The following THAP7 variants were observed in gnomAD, a reference collection of about 807,000 sequenced individuals.
THAP7 encodes THAP domain-containing protein 7.
Under a neutral mutation model 29.2 loss-of-function variants are expected in THAP7, and 22 were observed. The ratio of observed to expected loss-of-function variants is 0.75; its 90% confidence interval spans 0.54 to 1.08. The LOEUF (loss-of-function observed/expected upper bound fraction) is 1.08, where lower values mean the gene tolerates loss of function less well. Ranked by LOEUF, THAP7 falls within the 50% of genes least tolerant of loss-of-function variation. The probability of loss-of-function intolerance (pLI) is 0.00; values close to 1 mark genes in which losing one functional copy is unlikely to be tolerated. For missense variants in THAP7, 448 were observed against 416.2 expected, an observed-to-expected ratio of 1.08 and a Z score of -0.66; for synonymous variants, 208 against 173.4, an observed-to-expected ratio of 1.20 and a Z score of -1.57.
At chr22:21,000,905 G>A (rs1275788820) in intron 2 of THAP7, 118 bp from the exon 3 acceptor site, 12 of 1,486,564 alleles carry the variant, frequency 8.1e-6, no homozygotes, top group African/African-American at 4.1e-5. Context: ...ATACGTCTGG[G>A]GAACGCCAAG....
At position 21,001,749 on chromosome 22, in the gene THAP7, C is replaced by G. The variant is rs1359893758; in HGVS notation, c.80+83G>C. On this transcript the variant is annotated intron_variant, in intron 1 of 3. Transcript: ENST00000215742. ...AAGCCTCCTCAGTATCTGAGAAAGG[C>G]GCGAAGCCTCTACGCAGTTGCGACC... is the stretch of plus-strand genomic sequence containing the variant. 3.8e-5 allele frequency: 53 copies of G among 1,395,564 alleles called. No homozygotes were observed. In the South Asian group the frequency reaches 6.8e-4, roughly 18 times the overall value. 86.4% of individuals were successfully genotyped at this position (1,395,564 alleles called of 1,614,324 possible).
chr22:21,001,396 G>C lies in THAP7; in HGVS notation c.96C>G (p.Asp32Glu). Residue 32 changes from aspartate (D) to glutamate (E), a missense_variant, in exon 2 of 4, where the codon GAC becomes GAG. Physicochemically the swap from Asp to Glu is conservative, Grantham distance 45 (BLOSUM62 2). Coordinates refer to ENST00000215742, the MANE Select transcript of THAP7 (RefSeq NM_030573.3). ...CCAGCCACAAGCCTCGCCTCGGGTTGTCCTTCTTGGGAAGTCTGTGGAGCC... is the reference window on the plus strand; with the variant it reads ...CCAGCCACAAGCCTCGCCTCGGGTTCTCCTTCTTGGGAAGTCTGTGGAGCC... ...GISFHRLPKK[D>E]NPRRGLWLAN... is the part of the protein sequence containing the mutation. The C allele has an allele frequency of 6.2e-7, 1 of 1,613,770 alleles. No homozygotes were observed. Among genetic ancestry groups the C allele is most frequent in the Non-Finnish European group, 8.5e-7 (1 of 1,179,986 alleles).
chr22:21,001,867 C>T lies in THAP7; in HGVS notation c.45G>A (p.Thr15=), dbSNP rs1270857696. ...CSAAGCCTRD[T]RETRNRGISF... ...AGATGCCGCGGTTGCGCGTCTCGCG[C>T]GTGTCCCGTGTGCAGCAGCCGGCGG... is the stretch of plus-strand genomic sequence containing the variant. Residue 15 remains threonine, a synonymous_variant, in exon 1 of 4, where the codon ACG becomes ACA. Transcript: ENST00000215742. 2 of 1,569,896 alleles carry T rather than the reference C, an allele frequency of 1.3e-6. No individual in the cohort carries two copies. Among genetic ancestry groups the T allele is most frequent in the East Asian group, 2.4e-5 (1 of 42,048 alleles).
At position 20,999,823 on chromosome 22, in the gene THAP7, G is replaced by A. The variant is rs1445810716; in HGVS notation, c.*57C>T. ...GCACCTGGTGGGTCTGGTGGGATCT[G>A]AGGGAGGAAGAGGCTGCAGTCTTGC... On this transcript the variant is annotated 3_prime_UTR_variant, in exon 4 of 4. Coordinates refer to ENST00000215742, the MANE Select transcript of THAP7 (RefSeq NM_030573.3). 1 of 1,541,102 alleles carries A rather than the reference G, an allele frequency of 6.5e-7. No homozygotes were observed. The highest frequency in any genetic ancestry group is 8.7e-7 in the Non-Finnish European group (1 of 1,148,474).
chr22:21,001,078 T>A (rs1925138261), intron 2 of THAP7, 178 bp downstream of exon 2: 2 of 991,762 alleles, frequency 2.0e-6, no homozygotes, highest in Admixed American at 2.6e-5. Context: ...AAGGCTCCTG[T>A]TTTCCCCTTG....
chr22:21,001,553 C>G (rs760584158), intron 1 of THAP7, 142 bp from the exon 2 acceptor site: 15 of 1,295,048 alleles, frequency 1.2e-5, no homozygotes, highest in Non-Finnish European at 1.6e-5. Flanking sequence ...CACCACCGCC[C>G]GGGCACAGAC....
chr22:21,000,351 G>A lies in THAP7; in HGVS notation c.459C>T (p.Ala153=). The change falls in exon 4 of 4, where the codon GCC becomes GCT. Residue 153 remains alanine (A), a synonymous_variant. Coordinates refer to ENST00000215742, the MANE Select transcript of THAP7 (RefSeq NM_030573.3). ...ADVTCFPVEE[A]SAPATLPASP... ...AGGCCGGCAAAGTGGCAGGTGCTGAGGCCTCTTCCACAGGAAAGCAGGTGA... is the reference window on the plus strand; with the variant it reads ...AGGCCGGCAAAGTGGCAGGTGCTGAAGCCTCTTCCACAGGAAAGCAGGTGA... 1.9e-6 allele frequency: 3 copies of A among 1,553,300 alleles called. No homozygotes were observed. Among genetic ancestry groups the A allele is most frequent in the Non-Finnish European group, 2.6e-6 (3 of 1,148,344 alleles).
In THAP7 at chr22:21,002,062, T is replaced by G; in HGVS notation, c.-151A>C. 1 of 686,230 alleles carries G rather than the reference T, an allele frequency of 1.5e-6. No homozygotes were observed. The highest frequency in any genetic ancestry group is 2.3e-6 in the Non-Finnish European group (1 of 432,332). The allele number at this position is 686,230 out of a possible 1,614,324, so 42.5% of individuals were successfully genotyped here. A position where few individuals can be genotyped will look rare whatever the true frequency, so the allele number is the denominator to read the frequency against. ...CCCAACCCCGTCCCAGCCGATTCTC[T>G]TGACTTCTGTCAGCGGCACTCACGC... is the stretch of plus-strand genomic sequence containing the variant. On this transcript the variant is annotated 5_prime_UTR_variant, in exon 1 of 4. Transcript: ENST00000215742.
In THAP7 at chr22:20,999,918, G is replaced by A. The variant is rs768413202; in HGVS notation, c.892C>T (p.Gln298Ter). Residue 298 changes from glutamine (Q) to a stop codon, truncating the protein, a stop_gained, in exon 4 of 4, where the codon CAG becomes TAG. Transcript: ENST00000215742. LOFTEE classifies it high-confidence loss of function. ...DARQTLKEHVQDFAMQLSSSM... is the reference protein window; with the variant it reads ...DARQTLKEHV ...CTGCTCAGCTGCATGGCAAAGTCCT[G>A]CACATGCTCCTTCAGAGTCTGGCGG... 6.2e-7 allele frequency: 1 copy of A among 1,611,190 alleles called. No homozygotes were observed. The highest frequency in any genetic ancestry group is 8.5e-7 in the Non-Finnish European group (1 of 1,179,952).
rs3747084 is a variant in THAP7, at chr22:20,999,636, G to C, written c.*244C>G. On this transcript the variant is annotated 3_prime_UTR_variant, in exon 4 of 4. Coordinates refer to ENST00000215742, the MANE Select transcript of THAP7 (RefSeq NM_030573.3). ...GCCACCTGTCTACCAGTAGCTCTGAGGGGTGAGAGCCAGGCTCCCTGTTCT... is the reference window on the plus strand; with the variant it reads ...GCCACCTGTCTACCAGTAGCTCTGACGGGTGAGAGCCAGGCTCCCTGTTCT... 7.1e-3 allele frequency: 3,912 copies of C among 553,844 alleles called. 46 individuals are homozygous for C. Among genetic ancestry groups the C allele is most frequent in the South Asian group, 0.028 (1,242 of 44,554 alleles). 34.3% of individuals were successfully genotyped at this position (553,844 alleles called of 1,614,324 possible).
rs767597243 is a variant in THAP7, at chr22:21,001,843, G to C, written c.69C>G (p.Ile23Met). ...RDTRETRNRG[I>M]SFHRLPKKDN... Reference sequence around the variant, plus strand: ...GCACGCGCGCTGACCTGTGGAAGGAGATGCCGCGGTTGCGCGTCTCGCGCG... The same window carrying C: ...GCACGCGCGCTGACCTGTGGAAGGACATGCCGCGGTTGCGCGTCTCGCGCG... The change falls in exon 1 of 4, where the codon ATC becomes ATG. Residue 23 changes from isoleucine (I) to methionine (M), a missense_variant. Coordinates refer to ENST00000215742, the MANE Select transcript of THAP7 (RefSeq NM_030573.3). 2 of 1,558,316 alleles carry C rather than the reference G, an allele frequency of 1.3e-6. No individual in the cohort carries two copies. The highest frequency in any genetic ancestry group is 8.7e-7 in the Non-Finnish European group (1 of 1,153,362).
chr22:21,000,716 G>A lies in THAP7; in HGVS notation c.308C>T (p.Thr103Ile). The A allele has an allele frequency of 1.2e-6, 2 of 1,614,180 alleles. No individual in the cohort carries two copies. Among genetic ancestry groups the A allele is most frequent in the Non-Finnish European group, 8.5e-7 (1 of 1,180,020 alleles). Residue 103 changes from threonine to isoleucine, a missense_variant, in exon 3 of 4, where the codon ACC becomes ATC. Coordinates refer to ENST00000215742, the MANE Select transcript of THAP7 (RefSeq NM_030573.3). ...FESFSKLRRT[T>I]KTKGHSYPPG... ...TGGGTAACTGTGTCCTTTGGTCTTG[G>A]TTGTCCGGCGCAACTTGGAGAAAGA...
intron 2 of THAP7, 68 bp downstream of exon 2, chr22:21,001,188 C>T (rs1183514517): frequency 1.6e-5 from 25 of 1,588,736 alleles, no homozygotes; most frequent in Non-Finnish European, 2.1e-5. Flanking sequence ...ACTTCCATGA[C>T]CTGCAGCTGT....
chr22:21,001,804 C>T (rs972115446), intron 1 of THAP7, 28 bp downstream of exon 1: 7 of 1,540,344 alleles, frequency 4.5e-6, no homozygotes, highest in African/African-American at 2.8e-5. Context: ...CGCATGCGCA[C>T]GTGAGCCCGC....
chr22:21,000,919 C>T, intron 2 of THAP7, 132 bp from the exon 3 acceptor site: 3 of 1,393,062 alleles, frequency 2.2e-6, no homozygotes, highest in South Asian at 2.6e-5. Context: ...CGCCAAGTTA[C>T]AGCTACACCA....
chr22:21,000,944 G>T lies in THAP7; in HGVS notation c.237-157C>A, dbSNP rs1925129201. ...CAGCTACACCAATCGCTTCCCCGCA[G>T]GACTCCTCACAGTCCAGGTGTGTGG... On this transcript the variant is annotated intron_variant, in intron 2 of 3. Transcript: ENST00000215742. The T allele has an allele frequency of 1.3e-5, 15 of 1,175,032 alleles. 1 individual carries two copies. In the South Asian group the frequency reaches 2.0e-4, roughly 16 times the overall value. The allele number at this position is 1,175,032 out of a possible 1,614,324, so 72.8% of individuals were successfully genotyped here.
rs370293967 is a variant in THAP7, at chr22:21,001,303, G to C, written c.189C>G (p.Phe63Leu). ...LWDPASEYIY[F>L]CSKHFEEDCF... ...AGTCCTCCTCAAAGTGTTTGGAGCA[G>C]AAGTAGATGTACTCGGATGCCGGGT... is the stretch of plus-strand genomic sequence containing the variant. Residue 63 changes from phenylalanine (F) to leucine (L), a missense_variant, in exon 2 of 4, where the codon TTC becomes TTG. Coordinates refer to ENST00000215742, the MANE Select transcript of THAP7 (RefSeq NM_030573.3). The C allele has an allele frequency of 1.2e-6, 2 of 1,614,182 alleles. No individual in the cohort carries two copies. Among genetic ancestry groups the C allele is most frequent in the Non-Finnish European group, 1.7e-6 (2 of 1,180,024 alleles).
At chr22:21,000,575 G>C in intron 3 of THAP7, 72 bp downstream of exon 3, 2 of 1,602,512 alleles carry the variant, frequency 1.2e-6, no homozygotes, top group South Asian at 2.2e-5. Context: ...CGAGACTGCT[G>C]GCAGACACCC....
At position 21,000,150 on chromosome 22, in the gene THAP7, T is replaced by TG; in HGVS notation, c.659dup (p.Pro221ThrfsTer9). ...CATTCTGGATGTAGGCTCCGGCGGG[T>TG]GGGGGCAGGCGCAGCATATACGCTG... On this transcript the variant is annotated frameshift_variant, in exon 4 of 4. Transcript: ENST00000215742. LOFTEE classifies it high-confidence loss of function. 1 of 1,594,996 alleles carries TG rather than the reference T, an allele frequency of 6.3e-7. No homozygotes were observed. The highest frequency in any genetic ancestry group is 8.5e-7 in the Non-Finnish European group (1 of 1,171,452).
Sources: gnomAD v4.1 joint callset for allele counts on GRCh38, gnomAD v4.1.1 for gene constraint, MANE v1.5 for transcripts, NCBI Gene and HGNC (gene_info 2026-07-23, HGNC 2026-07-21) for gene names.